WDHD1: variants seen among roughly 807,000 people sequenced by gnomAD.
WDHD1 encodes the protein WD repeat and HMG-box DNA-binding protein 1.
A neutral mutation model predicts 135.4 loss-of-function variants in WDHD1; 111 were observed. That is an observed-to-expected ratio of 0.82 (90% confidence interval 0.70 to 0.96). The LOEUF is 0.96. Ranked by LOEUF, WDHD1 falls within the 40% of genes least tolerant of loss-of-function variation. The probability of loss-of-function intolerance (pLI) is 0.00; values close to 1 mark genes in which losing one functional copy is unlikely to be tolerated. For synonymous variants in WDHD1, 434 were observed against 439.0 expected (o/e 0.99, Z 0.14); for missense variants, 1,351 against 1,336.3 (o/e 1.01, Z -0.17).
intron 3 of WDHD1, among the ~76,000 whole-genome samples, chr14:55,012,563 G>C (rs1305782499): frequency 6.6e-6 from 1 of 152,150 alleles, no homozygotes; most frequent in Admixed American, 6.6e-5. Flanking sequence ...GAATCAGTAG[G>C]TGTTTTAGTC....
chr14:54,941,748 T>G, intron 25 of WDHD1, 58 bp from the exon 26 acceptor site: 4 of 1,418,186 alleles, frequency 2.8e-6, no homozygotes, highest in Non-Finnish European at 3.9e-6. Flanking sequence ...AAATAAGAAG[T>G]AAATGATTTA....
At chr14:54,998,656 G>T (rs145950468) in intron 10 of WDHD1, among the ~76,000 whole-genome samples, 277 of 148,434 alleles carry the variant, frequency 1.9e-3, no homozygotes, top group Middle Eastern at 6.9e-3. Flanking sequence ...TTTAATCATT[G>T]TGTTTAACAG....
intron 2 of WDHD1, among the ~76,000 whole-genome samples, chr14:55,018,251 T>C (rs1053375215): frequency 2.0e-5 from 3 of 152,194 alleles, no homozygotes; most frequent in Admixed American, 6.5e-5. Flanking sequence ...AAACTTAAGC[T>C]TTTGAAGCTT....
intron 11 of WDHD1, 78 bp from the exon 12 acceptor site, chr14:54,991,478 T>A: frequency 7.2e-7 from 1 of 1,394,450 alleles, no homozygotes; most frequent in Non-Finnish European, 9.9e-7. Context: ...TGGAATCTAG[T>A]AACTTTTTCA....
intron 12 of WDHD1, among the ~76,000 whole-genome samples, chr14:54,990,232 G>A (rs1459314494): frequency 1.3e-5 from 2 of 151,840 alleles, no homozygotes; most frequent in African/African-American, 4.8e-5. Context: ...TTTATGCCAG[G>A]CCTATACTTT....
intron 4 of WDHD1, among the ~76,000 whole-genome samples, chr14:55,010,095 A>T (rs1195146134): frequency 6.6e-6 from 1 of 152,238 alleles, no homozygotes; most frequent in Non-Finnish European, 1.5e-5. Context: ...CTGGGATTAC[A>T]GGCGTGAGCC....
At chr14:54,961,923 A>G (rs3783643) in intron 21 of WDHD1, among the ~76,000 whole-genome samples, 63,851 of 149,380 alleles carry the variant, frequency 0.43, 15,379 homozygotes, top group African/African-American at 0.67. Context: ...TGCTACCTCC[A>G]CCTCCTGAGT....
chr14:54,985,180 A>C (rs898894524), intron 14 of WDHD1, among the ~76,000 whole-genome samples: 2 of 152,224 alleles, frequency 1.3e-5, no homozygotes, highest in African/African-American at 4.8e-5. Context: ...TTAAATTCAA[A>C]TTTCAGGTAG....
At position 54,991,364 on chromosome 14, in the gene WDHD1, T is replaced by C; in HGVS notation, c.1190A>G (p.Lys397Arg). 6.2e-7 allele frequency: 1 copy of C among 1,614,184 alleles called. No individual in the cohort carries two copies. The highest frequency in any genetic ancestry group is 8.5e-7 in the Non-Finnish European group (1 of 1,180,016). ...TTCTTGACCATCTTCCTCCTCCTCT[T>C]TGAGAAGACTAGAACCAGTTTTTAG... is the stretch of plus-strand genomic sequence containing the variant. Reference protein sequence around the residue: ...SMLKTGSSLLKEEEEDGQEGS... With the variant: ...SMLKTGSSLLREEEEDGQEGS... Residue 397 changes from lysine to arginine, a missense_variant, in exon 12 of 26, where the codon AAA becomes AGA. Lys to Arg is a conservative substitution (Grantham distance 26). Coordinates refer to ENST00000360586, the MANE Select transcript of WDHD1 (RefSeq NM_007086.4).
At chr14:54,998,861 TA>T (rs1331961575) in intron 10 of WDHD1, among the ~76,000 whole-genome samples, 1 of 152,062 alleles carries the variant, frequency 6.6e-6, no homozygotes, top group Non-Finnish European at 1.5e-5. Context: ...GGCTGAATAA[TA>T]AAAATAATAG....
At chr14:54,954,995 C>T (rs977810480) in intron 24 of WDHD1, among the ~76,000 whole-genome samples, 1 of 152,130 alleles carries the variant, frequency 6.6e-6, no homozygotes, top group Non-Finnish European at 1.5e-5. Context: ...TCCCAAAGTG[C>T]TGAGATTATA....
chr14:54,986,697 A>G (rs1013104488), intron 14 of WDHD1, among the ~76,000 whole-genome samples: 6 of 152,182 alleles, frequency 3.9e-5, no homozygotes, highest in Non-Finnish European at 8.8e-5. Context: ...TTATTTTTTT[A>G]AAAAAGCACA....
intron 24 of WDHD1, among the ~76,000 whole-genome samples, chr14:54,950,570 G>A (rs1425237666): frequency 6.6e-6 from 1 of 152,098 alleles, no homozygotes; most frequent in African/African-American, 2.4e-5. Flanking sequence ...ACACCCCACT[G>A]TCAACATTAG....
At chr14:54,985,055 A>T (rs952859893) in intron 14 of WDHD1, among the ~76,000 whole-genome samples, 195 bp from the exon 15 acceptor site, 6 of 152,220 alleles carry the variant, frequency 3.9e-5, no homozygotes, top group African/African-American at 1.4e-4. Flanking sequence ...CTCTTCACAT[A>T]AAGTCCTTAT....
At chr14:54,990,489 G>C (rs140402955) in intron 12 of WDHD1, among the ~76,000 whole-genome samples, 4 of 151,694 alleles carry the variant, frequency 2.6e-5, no homozygotes, top group African/African-American at 9.7e-5. Context: ...CCAGCTACTC[G>C]GGAGGCTGAG....
intron 18 of WDHD1, among the ~76,000 whole-genome samples, chr14:54,964,808 G>C (rs2041315725): frequency 6.6e-6 from 1 of 152,182 alleles, no homozygotes; most frequent in African/African-American, 2.4e-5. Flanking sequence ...GAGTCCCCTG[G>C]TATTTTTGAT....
Position 54,991,278 on chromosome 14 carries a change from G to A in WDHD1, c.1276C>T (p.Pro426Ser), listed in dbSNP as rs1344921138. Residue 426 changes from proline (P) to serine (S), a missense_variant, in exon 12 of 26, where the codon CCA becomes TCA. By Grantham distance (74) the Pro-to-Ser change is moderately conservative (BLOSUM62 -1). Coordinates refer to ENST00000360586, the MANE Select transcript of WDHD1 (RefSeq NM_007086.4). ...TGAAATGGCTTTTGCCGGGGAGTTG[G>A]CATGGGTCCATCATAAAATGGCCTT... Reference protein sequence around the residue: ...SQRPFYDGPMPTPRQKPFQSG... With the variant: ...SQRPFYDGPMSTPRQKPFQSG... 1.2e-6 allele frequency: 2 copies of A among 1,613,204 alleles called. No homozygotes were observed. Among genetic ancestry groups the A allele is most frequent in the African/African-American group, 1.3e-5 (1 of 74,904 alleles).
rs560707275 is a variant in WDHD1 at position 54,959,441 on chromosome 14, G to GAGGC, written c.2702-1810_2702-1807dup. 4.2e-3 allele frequency among the ~76,000 whole-genome samples: 614 copies of GAGGC among 145,832 alleles called. 2 individuals carry two copies. The highest frequency in any genetic ancestry group is 5.5e-3 in the Non-Finnish European group (364 of 66,122). On this transcript the variant is annotated intron_variant, in intron 21 of 25. Transcript: ENST00000360586. ...GGAGGGAAGAAGGAAGGGAGGGAGG[G>GAGGC]AGGCAGGCAGGCAGGCAGGCAGGCA...
intron 22 of WDHD1, 147 bp downstream of exon 22, chr14:54,957,445 C>T (rs75164364): frequency 2.2e-5 from 19 of 854,420 alleles, no homozygotes; most frequent in Non-Finnish European, 3.4e-5. Context: ...AAAGACAACT[C>T]TCAGCCCAAG....
Sources: allele counts gnomAD v4.1 joint callset (sites outside exome capture counted in the v4.1 genomes callset), GRCh38; gene constraint gnomAD v4.1.1; transcripts MANE v1.5; gene names NCBI Gene and HGNC (gene_info 2026-07-23, HGNC 2026-07-21).